The following PRRC2B variants were observed in gnomAD, a reference collection of about 807,000 sequenced individuals.
The protein encoded by PRRC2B is proline rich coiled-coil 2B, also known as protein PRRC2B.
PRRC2B carries 68 observed loss-of-function variants against 242.3 expected under a neutral mutation model. The ratio of observed to expected loss-of-function variants is 0.28; its 90% confidence interval spans 0.23 to 0.34. PRRC2B has a LOEUF of 0.34. Among genes scored for constraint, PRRC2B ranks in the 10% least tolerant of loss-of-function variants. The pLI, the probability that PRRC2B is intolerant of heterozygous loss-of-function variation, is 1.00. For missense variants in PRRC2B, 2,835 were observed against 2,954.8 expected, an observed-to-expected ratio of 0.96 and a Z score of 0.94; for synonymous variants, 1,228 against 1,173.6, an observed-to-expected ratio of 1.05 and a Z score of -0.95.
rs201116726 is a variant in PRRC2B at position 131,478,550 on chromosome 9, C to T, written c.4689C>T (p.Ile1563=). The T allele has an allele frequency of 7.3e-4, 1,175 of 1,611,106 alleles. 5 individuals carry two copies. The African/African-American group carries it at 0.014, about 19-fold the overall frequency. ...EVGSMVGEGF[I]EVLTKKQRRL... ...GTTCTATGGTGGGCGAAGGCTTCAT[C>T]GAAGTCCTGACCAAGAAGCAGCGCC... Residue 1563 remains isoleucine (I), a synonymous_variant, in exon 18 of 32, where the codon ATC becomes ATT. Coordinates refer to ENST00000683519, the MANE Select transcript of PRRC2B (RefSeq NM_013318.4).
At chr9:131,471,534 G>T (rs1237542147) in intron 14 of PRRC2B, among the ~76,000 whole-genome samples, 3 of 152,188 alleles carry the variant, frequency 2.0e-5, no homozygotes, top group Non-Finnish European at 4.4e-5. Flanking sequence ...CAGACCAGGG[G>T]TCAGCAAACT....
chr9:131,415,685 A>G (rs1837628674), intron 1 of PRRC2B, among the ~76,000 whole-genome samples: 1 of 152,200 alleles, frequency 6.6e-6, no homozygotes, highest in Non-Finnish European at 1.5e-5. Context: ...TACTGGTAAG[A>G]AGTCTCCATC....
At chr9:131,467,362 G>C (rs977500000) in intron 12 of PRRC2B, among the ~76,000 whole-genome samples, 1 of 152,208 alleles carries the variant, frequency 6.6e-6, no homozygotes, top group Non-Finnish European at 1.5e-5. Flanking sequence ...GTGACAACAG[G>C]TGAAGCCTCC....
At chr9:131,492,471 T>G (rs1485731044) in intron 30 of PRRC2B, among the ~76,000 whole-genome samples, 1 of 152,180 alleles carries the variant, frequency 6.6e-6, no homozygotes, top group African/African-American at 2.4e-5. Flanking sequence ...GGTTTTGGTT[T>G]TAATCATTAT....
Position 131,492,158 on chromosome 9 carries a change from G to C in PRRC2B, c.6382-11G>C. The C allele has an allele frequency of 6.2e-7, 1 of 1,608,974 alleles. No homozygotes were observed. The highest frequency in any genetic ancestry group is 1.1e-5 in the South Asian group (1 of 90,950). On this transcript the variant is annotated splice_polypyrimidine_tract_variant and intron_variant, in intron 29 of 31. Coordinates refer to ENST00000683519, the MANE Select transcript of PRRC2B (RefSeq NM_013318.4). ...CTCAAATGACAGCTTGTTCCTGCTTGGTCTCTCTAGCCCTCTCAGATGGAG... is the reference window on the plus strand; with the variant it reads ...CTCAAATGACAGCTTGTTCCTGCTTCGTCTCTCTAGCCCTCTCAGATGGAG...
chr9:131,448,524 A>G (rs899645955), intron 9 of PRRC2B, among the ~76,000 whole-genome samples: 14 of 121,014 alleles, frequency 1.2e-4, no homozygotes, highest in African/African-American at 4.3e-4. Flanking sequence ...AGCTTGGGCG[A>G]CAGAGGGAGA....
chr9:131,409,020 CTT>C lies in PRRC2B; in HGVS notation c.-52+14772_-52+14773del, dbSNP rs1209001135. On this transcript the variant is annotated intron_variant, in intron 1 of 31. Coordinates refer to ENST00000683519, the MANE Select transcript of PRRC2B (RefSeq NM_013318.4). Reference sequence around the variant, plus strand: ...AGGCATGAGTCACTGCGCTCAGCCACTTTTTTTTTTTTTTTTCCTGAGATGGA... The same window carrying C: ...AGGCATGAGTCACTGCGCTCAGCCACTTTTTTTTTTTTTTCCTGAGATGGA... Among the ~76,000 whole-genome samples, 277 of 129,150 alleles carry C rather than the reference CTT, an allele frequency of 2.1e-3. 1 individual carries two copies. Among genetic ancestry groups the C allele is most frequent in the African/African-American group, 7.5e-3 (255 of 34,104 alleles). 84.7% of individuals were successfully genotyped at this position (129,150 alleles called of 152,430 possible).
Position 131,479,879 on chromosome 9 carries a change from G to A in PRRC2B, c.4900+486G>A, listed in dbSNP as rs185930570. Among the ~76,000 whole-genome samples, 11 of 152,072 alleles carry A rather than the reference G, an allele frequency of 7.2e-5. No homozygotes were observed. The East Asian group carries it at 1.9e-3, about 27-fold the overall frequency. On this transcript the variant is annotated intron_variant, in intron 19 of 31. Transcript: ENST00000683519. ...GAAAGGCAAACTGAGACCAGAAGAC[G>A]GTATACGTTACTTCTTAGAACATTT...
At chr9:131,430,530 T>G (rs534241536) in intron 2 of PRRC2B, among the ~76,000 whole-genome samples, 35 of 147,094 alleles carry the variant, frequency 2.4e-4, no homozygotes, top group African/African-American at 6.5e-4. Context: ...TAGATAGATA[T>G]CTATCTATAG....
intron 1 of PRRC2B, among the ~76,000 whole-genome samples, chr9:131,408,393 A>G (rs1044587276): frequency 3.3e-5 from 5 of 152,226 alleles, no homozygotes; most frequent in Admixed American, 1.3e-4. Context: ...TCAGTTGGAC[A>G]TTTCCGTAGG....
In PRRC2B at chr9:131,459,158, TC is replaced by T. The variant is rs1440167303; in HGVS notation, c.1212-4del. 2 of 1,613,028 alleles carry T rather than the reference TC, an allele frequency of 1.2e-6. No homozygotes were observed. Among genetic ancestry groups the T allele is most frequent in the African/African-American group, 2.7e-5 (2 of 75,028 alleles). On this transcript the variant is annotated splice_region_variant and splice_polypyrimidine_tract_variant and intron_variant, in intron 10 of 31. Coordinates refer to ENST00000683519, the MANE Select transcript of PRRC2B (RefSeq NM_013318.4). ...AAAACTTAACATCAAATGTGGTTTG[TC>T]CTAGGAACAGTTGGGACCCTAGGAG...
At chr9:131,457,731 C>T (rs1943123654) in intron 10 of PRRC2B, among the ~76,000 whole-genome samples, 1 of 152,054 alleles carries the variant, frequency 6.6e-6, no homozygotes, top group South Asian at 2.1e-4. Flanking sequence ...TCCTTGACAC[C>T]CTGCCCATAG....
At chr9:131,480,619 A>AT (rs77800389) in intron 19 of PRRC2B, among the ~76,000 whole-genome samples, 12,480 of 144,624 alleles carry the variant, frequency 0.086, 580 homozygotes, top group Admixed American at 0.14. Flanking sequence ...ATGTGAAAGG[A>AT]TTTTTTTTTT....
intron 12 of PRRC2B, 93 bp from the exon 13 acceptor site, chr9:131,467,470 G>A (rs1943430063): frequency 3.5e-6 from 4 of 1,133,350 alleles, no homozygotes; most frequent in South Asian, 3.1e-5. Flanking sequence ...TGGAGCGTAC[G>A]GGCCAACAGG....
chr9:131,444,357 A>T, intron 6 of PRRC2B, 29 bp downstream of exon 6: 1 of 1,601,468 alleles, frequency 6.2e-7, no homozygotes, highest in Non-Finnish European at 8.5e-7. Context: ...TGGGCACTCG[A>T]TGGAGTAACA....
intron 9 of PRRC2B, among the ~76,000 whole-genome samples, chr9:131,450,198 A>T (rs1287193032): frequency 6.6e-6 from 1 of 152,208 alleles, no homozygotes; most frequent in Non-Finnish European, 1.5e-5. Context: ...CAGTATTTAC[A>T]AAGGGCCTGC....
intron 1 of PRRC2B, among the ~76,000 whole-genome samples, chr9:131,425,333 T>C (rs1837949202): frequency 6.6e-6 from 1 of 151,876 alleles, no homozygotes; most frequent in Non-Finnish European, 1.5e-5. Flanking sequence ...TGGGGAAGTA[T>C]GAATCAAACC....
At chr9:131,384,878 TG>T (rs1202290684) in intron 1 of PRRC2B, among the ~76,000 whole-genome samples, 2 of 152,164 alleles carry the variant, frequency 1.3e-5, no homozygotes, top group Non-Finnish European at 2.9e-5. Flanking sequence ...TCACATTGGC[TG>T]TAACAGGAGT....
chr9:131,401,024 C>G (rs541229078), intron 1 of PRRC2B, among the ~76,000 whole-genome samples: 10 of 150,672 alleles, frequency 6.6e-5, no homozygotes, highest in African/African-American at 2.4e-4. Flanking sequence ...AGCAATGGCG[C>G]GATCTTGGCT....
Sources: gnomAD v4.1 joint callset for allele counts (sites outside exome capture counted in the v4.1 genomes callset) on GRCh38, gnomAD v4.1.1 for gene constraint, MANE v1.5 for transcripts, NCBI Gene and HGNC (gene_info 2026-07-23, HGNC 2026-07-21) for gene names.